Variants in SEMA6A observed in about 807,000 individuals in gnomAD.
SEMA6A encodes semaphorin 6A, also known as semaphorin-6A.
A neutral mutation model predicts 96.8 loss-of-function variants in SEMA6A; 25 were observed. That is an observed-to-expected ratio of 0.26 (90% CI 0.19 to 0.36). SEMA6A has a LOEUF of 0.36. Ranked by LOEUF, SEMA6A falls within the 10% of genes least tolerant of loss-of-function variation. The pLI, the probability that SEMA6A is intolerant of heterozygous loss-of-function variation, is 1.00. For missense variants in SEMA6A, 1,363 were observed against 1,323.1 expected (o/e 1.03, Z -0.47); for synonymous variants, 612 against 518.0 (o/e 1.18, Z -2.46).
At chr5:116,465,142 C>T (rs1311118821) in intron 18 of SEMA6A, among the ~76,000 whole-genome samples, 1 of 152,110 alleles carries the variant, frequency 6.6e-6, no homozygotes, top group Non-Finnish European at 1.5e-5. Context: ...GCTGCATACA[C>T]GGATGTGACA....
At chr5:116,509,644 G>A (rs1758317185) in intron 1 of SEMA6A, among the ~76,000 whole-genome samples, 1 of 151,794 alleles carries the variant, frequency 6.6e-6, no homozygotes, top group Non-Finnish European at 1.5e-5. Context: ...AGGAAGGATG[G>A]TACAGGGAGT....
intron 1 of SEMA6A, among the ~76,000 whole-genome samples, chr5:116,520,115 T>A (rs571030680): frequency 6.6e-6 from 1 of 152,226 alleles, no homozygotes; most frequent in South Asian, 2.1e-4. Flanking sequence ...CCCCTGTGCC[T>A]TGCTTTCCTC....
chr5:116,487,077 T>G lies in SEMA6A; in HGVS notation c.745-111A>C, dbSNP rs1439622243. ...AACAAAACAACAAGGTGCTTAATAC[T>G]GTTTCTAAAATCAGTAACAAAAAAA... On this transcript the variant is annotated intron_variant, in intron 9 of 18. Transcript: ENST00000343348. The G allele has an allele frequency of 1.0e-5, 7 of 688,210 alleles. No individual in the cohort carries two copies. In the East Asian group the frequency reaches 1.6e-4, roughly 16 times the overall value. 42.6% of individuals were successfully genotyped at this position (688,210 alleles called of 1,614,324 possible). A position where few individuals can be genotyped will look rare whatever the true frequency, so the allele number is the denominator to read the frequency against.
At chr5:116,519,505 A>T (rs17140021) in intron 1 of SEMA6A, among the ~76,000 whole-genome samples, 17,452 of 152,202 alleles carry the variant, frequency 0.11, 1,690 homozygotes, top group African/African-American at 0.26. Flanking sequence ...CATCGAATTC[A>T]GTCACTTTAG....
At chr5:116,543,613 T>A (rs915201202) in intron 1 of SEMA6A, among the ~76,000 whole-genome samples, 1 of 152,226 alleles carries the variant, frequency 6.6e-6, no homozygotes, top group African/African-American at 2.4e-5. Context: ...TAATACATGA[T>A]GACTGTTTAA....
rs1201214124 is a variant in SEMA6A at position 116,480,284 on chromosome 5, T to C, written c.1095-7A>G. The C allele has an allele frequency of 3.7e-6, 6 of 1,613,428 alleles. No individual in the cohort carries two copies. Among genetic ancestry groups the C allele is most frequent in the South Asian group, 3.3e-5 (3 of 91,032 alleles). On this transcript the variant is annotated splice_polypyrimidine_tract_variant and splice_region_variant and intron_variant, in intron 11 of 18. Transcript: ENST00000343348. Reference sequence around the variant, plus strand: ...GCCAGCACAGCAACCTGGCCTAAAATGAAACAAAGGGTGAGGAAGGAGGGA... The same window carrying C: ...GCCAGCACAGCAACCTGGCCTAAAACGAAACAAAGGGTGAGGAAGGAGGGA...
At chr5:116,564,663 A>G (rs1433126783) in intron 1 of SEMA6A, among the ~76,000 whole-genome samples, 10 of 152,204 alleles carry the variant, frequency 6.6e-5, no homozygotes, top group Non-Finnish European at 1.5e-4. Context: ...CACAATATAT[A>G]CACCACTGGA....
intron 18 of SEMA6A, among the ~76,000 whole-genome samples, chr5:116,467,169 A>T (rs964327978): frequency 6.6e-6 from 1 of 152,172 alleles, no homozygotes; most frequent in Non-Finnish European, 1.5e-5. Context: ...CTATTTCTCA[A>T]TTCACTGATT....
chr5:116,515,550 T>G (rs1758630056), intron 1 of SEMA6A, among the ~76,000 whole-genome samples: 1 of 152,202 alleles, frequency 6.6e-6, no homozygotes, highest in African/African-American at 2.4e-5. Context: ...AGAGTGACTT[T>G]AAAGGAGCAA....
At chr5:116,468,452 A>G (rs1316555822) in intron 17 of SEMA6A, 1 of 152,178 alleles carries the variant, frequency 6.6e-6, no homozygotes, top group Non-Finnish European at 1.5e-5. Flanking sequence ...TATTATTTCA[A>G]TAGATGGTTT....
intron 6 of SEMA6A, among the ~76,000 whole-genome samples, chr5:116,493,974 C>T (rs1057204067): frequency 6.6e-6 from 1 of 152,164 alleles, no homozygotes; most frequent in Non-Finnish European, 1.5e-5. Context: ...CCCAATCTCA[C>T]AACTCTTCCT....
chr5:116,539,916 T>C lies in SEMA6A; in HGVS notation c.-39+34269A>G, dbSNP rs541581111. 4.0e-4 allele frequency among the ~76,000 whole-genome samples: 61 copies of C among 152,316 alleles called. 3 individuals carry two copies. In the East Asian group the frequency reaches 8.3e-3, roughly 21 times the overall value. The stretch of plus-strand genomic sequence containing the variant: ...GTGTATCTTAAACTCACAGGAGATA[T>C]AGAATGCATTTTGCTTTTGTCTGGT... On this transcript the variant is annotated intron_variant, in intron 1 of 18. Coordinates refer to ENST00000343348, the MANE Select transcript of SEMA6A (RefSeq NM_020796.5).
intron 1 of SEMA6A, chr5:116,550,013 A>T (rs1760338333): frequency 6.6e-6 from 1 of 152,154 alleles, no homozygotes; most frequent in African/African-American, 2.4e-5. Flanking sequence ...ATGGATCCTA[A>T]CCTTGTACAA....
chr5:116,559,701 G>T (rs1760745422), intron 1 of SEMA6A, among the ~76,000 whole-genome samples: 1 of 152,084 alleles, frequency 6.6e-6, no homozygotes, highest in South Asian at 2.1e-4. Context: ...TGTAAACCTG[G>T]GTTCCTGTCC....
At chr5:116,515,966 G>C (rs1758648359) in intron 1 of SEMA6A, among the ~76,000 whole-genome samples, 1 of 152,102 alleles carries the variant, frequency 6.6e-6, no homozygotes, top group African/African-American at 2.4e-5. Flanking sequence ...CTGTTTTCTT[G>C]TTGTTTGTCA....
Position 116,475,541 on chromosome 5 carries a change from T to A in SEMA6A, c.1708+4A>T. ...GATAAAAATGGATAAAAGACTGTAC[T>A]TACTGTGACAGTCCCCCAGACCATC... On this transcript the variant is annotated splice_donor_region_variant and intron_variant, in intron 16 of 18. Coordinates refer to ENST00000343348, the MANE Select transcript of SEMA6A (RefSeq NM_020796.5). The A allele has an allele frequency of 6.3e-7, 1 of 1,592,698 alleles. No individual in the cohort carries two copies. The highest frequency in any genetic ancestry group is 8.6e-7 in the Non-Finnish European group (1 of 1,167,880).
rs866479364 is a variant in SEMA6A at position 116,488,949 on chromosome 5, G to A, written c.594C>T (p.Tyr198=). The part of the protein sequence containing the change: ...TDFLAIDAVI[Y]RSLGESPTLR... Reference sequence around the variant, plus strand: ...GGGTAGGGCTTTCTCCAAGACTCCGGTAAATGACTGCGTCAATGGCAAGGA... The same window carrying A: ...GGGTAGGGCTTTCTCCAAGACTCCGATAAATGACTGCGTCAATGGCAAGGA... The change falls in exon 8 of 19, where the codon TAC becomes TAT. Residue 198 remains tyrosine, a synonymous_variant. Coordinates refer to ENST00000343348, the MANE Select transcript of SEMA6A (RefSeq NM_020796.5). 1.3e-6 allele frequency: 2 copies of A among 1,588,426 alleles called. No individual in the cohort carries two copies. Among genetic ancestry groups the A allele is most frequent in the Non-Finnish European group, 1.7e-6 (2 of 1,166,366 alleles).
chr5:116,551,741 G>A (rs1172171331), intron 1 of SEMA6A, among the ~76,000 whole-genome samples: 1 of 152,114 alleles, frequency 6.6e-6, no homozygotes, highest in Non-Finnish European at 1.5e-5. Flanking sequence ...TGATTGTTAA[G>A]TTCAGATATA....
intron 1 of SEMA6A, among the ~76,000 whole-genome samples, chr5:116,544,037 A>C (rs913863900): frequency 6.6e-6 from 1 of 152,234 alleles, no homozygotes; most frequent in Non-Finnish European, 1.5e-5. Flanking sequence ...AATAGGAAAA[A>C]AGAATTCTCT....
Sources: allele counts gnomAD v4.1 joint callset (sites outside exome capture counted in the v4.1 genomes callset), GRCh38; gene constraint gnomAD v4.1.1; transcripts MANE v1.5; gene names NCBI Gene and HGNC (gene_info 2026-07-23, HGNC 2026-07-21).